DSP: variants seen among roughly 807,000 people sequenced by gnomAD.
DSP encodes desmoplakin.
In DSP, 114 loss-of-function variants were observed where a neutral mutation model predicts 290.6. The observed-to-expected ratio is 0.39, with a 90% confidence interval of 0.34 to 0.46. The LOEUF (loss-of-function observed/expected upper bound fraction) is 0.46, where lower values mean the gene tolerates loss of function less well. DSP is among the 20% of genes least tolerant of loss of function. The pLI is 0.99. For missense variants in DSP, 3,230 were observed against 3,495.8 expected (o/e 0.92, Z 1.92); for synonymous variants, 1,311 against 1,316.4 (o/e 1.00, Z 0.09).
rs867842357 is a variant in DSP, at chr6:7,583,351, C to G, written c.6089C>G (p.Ser2030Cys). The change falls in exon 24 of 24, where the codon TCT (serine) becomes TGT (cysteine). Residue 2030 changes from serine (S) to cysteine (C), a missense_variant. Coordinates refer to ENST00000379802, the MANE Select transcript of DSP (RefSeq NM_004415.4). The surrounding 1 kb of genome is among the most constrained non-coding windows in gnomAD (Gnocchi z 4.0). ...TCTGCTTCTCCTAAGGAAAAATACT[C>G]TTTGGTAGAGGCCAAGAGAAAGAAA... The part of the protein sequence containing the change: ...GASASPKEKY[S>C]LVEAKRKKLI... 1 of 1,614,166 alleles carries G rather than the reference C, an allele frequency of 6.2e-7. No homozygotes were observed. Among genetic ancestry groups the G allele is most frequent in the Non-Finnish European group, 8.5e-7 (1 of 1,180,022 alleles).
chr6:7,542,016 G>A lies in DSP; in HGVS notation c.101G>A (p.Gly34Asp). Residue 34 changes from glycine (G) to aspartate (D), a missense_variant, in exon 1 of 24, where the codon GGC (glycine) becomes GAC (aspartate). Physicochemically the swap from Gly to Asp is moderately conservative, Grantham distance 94. Around this residue, in one of 5 missense-constraint regions of DSP, gnomAD observed 646 missense variants for 684.3 expected, o/e 0.94. Coordinates refer to ENST00000379802, the MANE Select transcript of DSP (RefSeq NM_004415.4). Reference sequence around the variant, plus strand: ...CTGCGCTACGAGGTGACCAGCGGCGGCGGGGGCACCAGCAGGATGTACTAT... The same window carrying A: ...CTGCGCTACGAGGTGACCAGCGGCGACGGGGGCACCAGCAGGATGTACTAT... ...PDLRYEVTSG[G>D]GGTSRMYYSR... 2 of 1,587,480 alleles carry A rather than the reference G, an allele frequency of 1.3e-6. No individual in the cohort carries two copies. The highest frequency in any genetic ancestry group is 1.7e-6 in the Non-Finnish European group (2 of 1,167,936).
At chr6:7,554,613 AC>A (rs901349118) in intron 1 of DSP, among the ~76,000 whole-genome samples, 8 of 152,274 alleles carry the variant, frequency 5.3e-5, no homozygotes, top group East Asian at 1.9e-4. Flanking sequence ...TTTAAAAAAA[AC>A]ATTATTGTCT....
rs767643821 is a variant in DSP, at chr6:7,579,995, C to A, written c.3805C>A (p.Arg1269=). Residue 1269 remains arginine (R), a synonymous_variant, in exon 23 of 24, where the codon CGA becomes AGA. Transcript: ENST00000379802. The surrounding 1 kb of genome is among the most constrained non-coding windows in gnomAD (Gnocchi z 4.1). ...CTTGCAGGCCACTGAGCAGCGAAGG[C>A]GAGCTGAAGAAAACGCCCTTCAGCA... ...SILQATEQRR[R]AEENALQQKA... 5 of 1,614,058 alleles carry A rather than the reference C, an allele frequency of 3.1e-6. No individual in the cohort carries two copies. The South Asian group carries it at 5.5e-5, about 18-fold the overall frequency.
At position 7,581,209 on chromosome 6, in the gene DSP, A is replaced by T. The variant is rs773113214; in HGVS notation, c.5019A>T (p.Glu1673Asp). The change falls in exon 23 of 24, where the codon GAA becomes GAT. Residue 1673 changes from glutamate to aspartate, a missense_variant. Glu to Asp is a conservative substitution (Grantham distance 45). Coordinates refer to ENST00000379802, the MANE Select transcript of DSP (RefSeq NM_004415.4). The stretch of plus-strand genomic sequence containing the variant: ...GGCGGCAGTTACTCCAGGAACAGGA[A>T]AGTGTCAAACAAGCTCACTTGAGGA... The part of the protein sequence containing the change: ...ALRRQLLQEQ[E>D]SVKQAHLRNE... 5.0e-6 allele frequency: 8 copies of T among 1,614,086 alleles called. No homozygotes were observed. In the African/African-American group the frequency reaches 9.3e-5, roughly 19 times the overall value.
chr6:7,552,680 G>A (rs1220393095), intron 1 of DSP, among the ~76,000 whole-genome samples: 1 of 135,982 alleles, frequency 7.4e-6, no homozygotes, highest in African/African-American at 2.8e-5. Context: ...TTTTTTTTAA[G>A]TTCAAATATG....
At chr6:7,572,783 G>A (rs1356263315) in intron 15 of DSP, among the ~76,000 whole-genome samples, 1 of 152,084 alleles carries the variant, frequency 6.6e-6, no homozygotes, top group Non-Finnish European at 1.5e-5. Flanking sequence ...ATGGTTAGGC[G>A]ATTTTGTCAT....
Position 7,580,609 on chromosome 6 carries a change from CA to C in DSP, c.4423del (p.Thr1475ProfsTer9), listed in dbSNP as rs1227662860. The part of the protein sequence containing the change: ...RYKQSLDDAA[K>X]TIQDKNKEIE... ...ATAAGCAATCTCTTGATGATGCTGC[CA>C]AAACCATCCAGGATAAAAACAAGGA... On this transcript the variant is annotated frameshift_variant, in exon 23 of 24. Coordinates refer to ENST00000379802, the MANE Select transcript of DSP (RefSeq NM_004415.4). LOFTEE classifies it high-confidence loss of function. This position sits in a 1 kb window ranked among gnomAD's most constrained non-coding sequence, Gnocchi z 4.2. 1.4e-5 allele frequency: 22 copies of C among 1,613,856 alleles called. No homozygotes were observed. Among genetic ancestry groups the C allele is most frequent in the Non-Finnish European group, 1.9e-5 (22 of 1,180,004 alleles).
chr6:7,585,463 G>A lies in DSP; in HGVS notation c.8201G>A (p.Gly2734Glu), dbSNP rs1561705241. The change falls in exon 24 of 24, where the codon GGA (glycine) becomes GAA (glutamate). Residue 2734 changes from glycine (G) to glutamate (E), a missense_variant. Transcript: ENST00000379802. ...QRFLEFQYLT[G>E]GLVDPEVHGR... ...TTCCTGGAGTTCCAGTACCTCACGG[G>A]AGGTCTTGTTGACCCGGAAGTGCAT... 2 of 1,614,156 alleles carry A rather than the reference G, an allele frequency of 1.2e-6. No individual in the cohort carries two copies. The highest frequency in any genetic ancestry group is 1.7e-6 in the Non-Finnish European group (2 of 1,180,018).
chr6:7,551,057 A>C (rs1206630431), intron 1 of DSP, among the ~76,000 whole-genome samples: 1 of 152,180 alleles, frequency 6.6e-6, no homozygotes, highest in Non-Finnish European at 1.5e-5. Context: ...AAACTGCACT[A>C]TATGAATTAA....
At position 7,584,963 on chromosome 6, in the gene DSP, C is replaced by T. The variant is rs772907439; in HGVS notation, c.7701C>T (p.Val2567=). 1.2e-5 allele frequency: 19 copies of T among 1,614,058 alleles called. No homozygotes were observed. The highest frequency in any genetic ancestry group is 1.7e-5 in the Admixed American group (1 of 59,990). ...FADMISLKNG[V]GTSSSMGSGV... ...ACATGATCTCCTTGAAAAATGGTGT[C>T]GGCACCAGCAGCAGCATGGGCAGTG... is the stretch of plus-strand genomic sequence containing the variant. The change falls in exon 24 of 24, where the codon GTC becomes GTT. Residue 2567 remains valine, a synonymous_variant. Transcript: ENST00000379802. The surrounding 1 kb of genome is among the most constrained non-coding windows in gnomAD (Gnocchi z 6.4).
intron 3 of DSP, 29 bp downstream of exon 3, chr6:7,558,293 G>T: frequency 6.2e-7 from 1 of 1,605,806 alleles, no homozygotes; most frequent in Non-Finnish European, 8.5e-7. Context: ...GGATCGGGCA[G>T]TCCCCATGAA....
rs1203424345 is a variant in DSP at position 7,585,542 on chromosome 6, C to A, written c.8280C>A (p.Ala2760=). 6.2e-7 allele frequency: 1 copy of A among 1,614,126 alleles called. No individual in the cohort carries two copies. Among genetic ancestry groups the A allele is most frequent in the Admixed American group, 1.7e-5 (1 of 60,004 alleles). ...AIRKGFIDGR[A]AQRLQDTSSY... ...GGAAGGGGTTCATAGATGGCCGCGC[C>A]GCACAGAGGCTGCAAGACACCAGCA... The change falls in exon 24 of 24, where the codon GCC becomes GCA. Residue 2760 remains alanine, a synonymous_variant. Transcript: ENST00000379802.
rs746570048 is a variant in DSP, at chr6:7,566,495, G to C, written c.1044+14G>C. On this transcript the variant is annotated intron_variant, in intron 8 of 23. Coordinates refer to ENST00000379802, the MANE Select transcript of DSP (RefSeq NM_004415.4). Reference sequence around the variant, plus strand: ...GACAAAATTGAGGTAGGCTTCATGAGGTTTATATTTTTGTTAGAAAAAAAA... The same window carrying C: ...GACAAAATTGAGGTAGGCTTCATGACGTTTATATTTTTGTTAGAAAAAAAA... 1 of 1,605,914 alleles carries C rather than the reference G, an allele frequency of 6.2e-7. No individual in the cohort carries two copies. Among genetic ancestry groups the C allele is most frequent in the East Asian group, 2.2e-5 (1 of 44,828 alleles).
rs1433619020 is a variant in DSP, at chr6:7,579,864, C to A, written c.3674C>A (p.Ser1225Tyr). Reference protein sequence around the residue: ...NITKTTIKEISMQKEDDSKNL... With the variant: ...NITKTTIKEIYMQKEDDSKNL... ...ACGAAGACCACCATCAAGGAGATAT[C>A]CATGCAAAAAGAGGATGATTCCAAA... Residue 1225 changes from serine to tyrosine, a missense_variant, in exon 23 of 24, where the codon TCC becomes TAC. Physicochemically the swap from Ser to Tyr is moderately radical, Grantham distance 144 (BLOSUM62 -2). Transcript: ENST00000379802. This position sits in a 1 kb window ranked among gnomAD's most constrained non-coding sequence, Gnocchi z 4.1. 6.2e-7 allele frequency: 1 copy of A among 1,614,054 alleles called. No individual in the cohort carries two copies. The highest frequency in any genetic ancestry group is 8.5e-7 in the Non-Finnish European group (1 of 1,180,024).
In DSP at chr6:7,579,002, T is replaced by G. The variant is rs1296449460; in HGVS notation, c.3085-273T>G. Among the ~76,000 whole-genome samples, 1 of 152,208 alleles carries G rather than the reference T, an allele frequency of 6.6e-6. No individual in the cohort carries two copies. The highest frequency in any genetic ancestry group is 2.4e-5 in the African/African-American group (1 of 41,454). ...AATATAATTTATGAAATCATAAGCT[T>G]TTGATTTTGAAAGAAATTACCTCAT... On this transcript the variant is annotated intron_variant, in intron 22 of 23. Coordinates refer to ENST00000379802, the MANE Select transcript of DSP (RefSeq NM_004415.4). The surrounding 1 kb of genome is among the most constrained non-coding windows in gnomAD (Gnocchi z 4.1).
Position 7,550,917 on chromosome 6 carries a change from C to A in DSP, c.171-4801C>A, listed in dbSNP as rs115273300. On this transcript the variant is annotated intron_variant, in intron 1 of 23. Transcript: ENST00000379802. Reference sequence around the variant, plus strand: ...CTAACATGATTTGAAAATCTTTCAACCCCTAACACCCATATGTAGCAGTAT... The same window carrying A: ...CTAACATGATTTGAAAATCTTTCAAACCCTAACACCCATATGTAGCAGTAT... 5.7e-3 allele frequency among the ~76,000 whole-genome samples: 862 copies of A among 151,936 alleles called. 9 individuals carry two copies. The highest frequency in any genetic ancestry group is 0.019 in the African/African-American group (807 of 41,440).
chr6:7,552,796 CAG>C (rs1402092593), intron 1 of DSP, among the ~76,000 whole-genome samples: 2 of 151,342 alleles, frequency 1.3e-5, no homozygotes, highest in South Asian at 4.2e-4. Flanking sequence ...AATTAAAAAA[CAG>C]AGCAAACCCA....
At position 7,542,491 on chromosome 6, in the gene DSP, G is replaced by A. The variant is rs1240628854; in HGVS notation, c.170+406G>A. On this transcript the variant is annotated intron_variant, in intron 1 of 23. Coordinates refer to ENST00000379802, the MANE Select transcript of DSP (RefSeq NM_004415.4). ...ACCGTAATCAAAGTAAAAGAGGAAAGGAGCGGGGCCCCGGTCCTGTCTGGT... is the reference window on the plus strand; with the variant it reads ...ACCGTAATCAAAGTAAAAGAGGAAAAGAGCGGGGCCCCGGTCCTGTCTGGT... Among the ~76,000 whole-genome samples, 6 of 152,186 alleles carry A rather than the reference G, an allele frequency of 3.9e-5. No individual in the cohort carries two copies. The East Asian group carries it at 1.2e-3, about 29-fold the overall frequency.
chr6:7,576,710 G>A (rs182450057), intron 19 of DSP, among the ~76,000 whole-genome samples: 1 of 152,238 alleles, frequency 6.6e-6, no homozygotes, highest in Non-Finnish European at 1.5e-5. Context: ...ATAAATTGAG[G>A]GGATAGGCCC....
Sources: allele counts gnomAD v4.1 joint callset (sites outside exome capture counted in the v4.1 genomes callset), GRCh38; gene constraint gnomAD v4.1.1; regional missense constraint gnomAD v4.1.1; non-coding constraint Gnocchi (gnomAD v3.1); transcripts MANE v1.5; gene names NCBI Gene and HGNC (gene_info 2026-07-23, HGNC 2026-07-21).